Variants in NUP153 observed in about 807,000 individuals in gnomAD.
NUP153 encodes nuclear pore complex protein Nup153.
In NUP153, 27 loss-of-function variants were observed where a neutral mutation model predicts 134.6. That is an observed-to-expected ratio of 0.20 (90% CI 0.15 to 0.28). The LOEUF (loss-of-function observed/expected upper bound fraction) is 0.28, where lower values mean the gene tolerates loss of function less well. Ranked by LOEUF, NUP153 falls within the 10% of genes least tolerant of loss-of-function variation. The pLI, the probability that NUP153 is intolerant of heterozygous loss-of-function variation, is 1.00. For missense variants in NUP153, 1,821 were observed against 1,731.3 expected, an observed-to-expected ratio of 1.05 and a Z score of -0.92; for synonymous variants, 640 against 623.5, an observed-to-expected ratio of 1.03 and a Z score of -0.40.
chr6:17,668,868 A>C (rs1767717064), intron 8 of NUP153, 107 bp downstream of exon 8: 1 of 759,806 alleles, frequency 1.3e-6, no homozygotes, highest in Non-Finnish European at 2.2e-6. Flanking sequence ...ATTATTTTTC[A>C]AACATGTTCC....
Position 17,616,007 on chromosome 6 carries a change from C to G in NUP153, c.*90G>C. 1.1e-6 allele frequency: 1 copy of G among 935,634 alleles called. No homozygotes were observed. The highest frequency in any genetic ancestry group is 1.7e-6 in the Non-Finnish European group (1 of 596,960). 58.0% of individuals were successfully genotyped at this position (935,634 alleles called of 1,614,324 possible). ...TAAAGAAGTCCTTAGGCAGATCTGA[C>G]TTCAGATAACCCCAGCACAAAGTAC... On this transcript the variant is annotated 3_prime_UTR_variant, in exon 22 of 22. Transcript: ENST00000262077.
At chr6:17,626,985 GAC>G (rs1331859931) in intron 18 of NUP153, among the ~76,000 whole-genome samples, 2 of 152,230 alleles carry the variant, frequency 1.3e-5, no homozygotes, top group Non-Finnish European at 2.9e-5. Context: ...AAACAAATGA[GAC>G]ATGCTGATTT....
At position 17,674,983 on chromosome 6, in the gene NUP153, A is replaced by G. The variant is rs546945629; in HGVS notation, c.774T>C (p.Pro258=). 50 of 1,613,748 alleles carry G rather than the reference A, an allele frequency of 3.1e-5. No individual in the cohort carries two copies. The South Asian group carries it at 4.7e-4, about 15-fold the overall frequency. Residue 258 remains proline, a synonymous_variant, in exon 5 of 22, where the codon CCT becomes CCC. Coordinates refer to ENST00000262077, the MANE Select transcript of NUP153 (RefSeq NM_005124.4). ...CGTATGTTGTTTTTCCAGGATAAAAAGGAGAATCTCCAAGCTGACTGGTTT... is the reference window on the plus strand; with the variant it reads ...CGTATGTTGTTTTTCCAGGATAAAAGGGAGAATCTCCAAGCTGACTGGTTT... ...ILKTSQLGDS[P]FYPGKTTYGG...
chr6:17,648,485 T>C (rs1766333625), intron 12 of NUP153, among the ~76,000 whole-genome samples: 1 of 152,030 alleles, frequency 6.6e-6, no homozygotes, highest in South Asian at 2.1e-4. Context: ...GGCATGGTGG[T>C]GCGCACCTGT....
In NUP153 at chr6:17,675,283, G is replaced by T. The variant is rs1768148931; in HGVS notation, c.669C>A (p.Ala223=). The change falls in exon 4 of 22, where the codon GCC becomes GCA. Residue 223 remains alanine, a synonymous_variant. Coordinates refer to ENST00000262077, the MANE Select transcript of NUP153 (RefSeq NM_005124.4). The surrounding 1 kb of genome is among the most constrained non-coding windows in gnomAD (Gnocchi z 4.4). Reference sequence around the variant, plus strand: ...TGAATGCTGGTTTTTTTGAGCTGGTGGCAGTGTGCTGTGAGAGTGAGTGAG... The same window carrying T: ...TGAATGCTGGTTTTTTTGAGCTGGTTGCAGTGTGCTGTGAGAGTGAGTGAG... ...ERSHSLSQHT[A]TSSKKPAFNL... 6.2e-7 allele frequency: 1 copy of T among 1,614,040 alleles called. No homozygotes were observed. The highest frequency in any genetic ancestry group is 1.7e-5 in the Admixed American group (1 of 60,006).
intron 13 of NUP153, among the ~76,000 whole-genome samples, chr6:17,646,679 T>C (rs1026564730): frequency 2.6e-5 from 4 of 152,146 alleles, no homozygotes; most frequent in Admixed American, 6.5e-5. Context: ...CAAAACAGTA[T>C]ATAAAATAAT....
chr6:17,682,077 G>A (rs1221104043), intron 2 of NUP153, among the ~76,000 whole-genome samples: 1 of 152,146 alleles, frequency 6.6e-6, no homozygotes, highest in Non-Finnish European at 1.5e-5. Flanking sequence ...AGGCATGGCA[G>A]CACGCTCTTG....
At chr6:17,696,671 C>T (rs907382135) in intron 1 of NUP153, among the ~76,000 whole-genome samples, 2 of 152,070 alleles carry the variant, frequency 1.3e-5, no homozygotes, top group African/African-American at 2.4e-5. Flanking sequence ...AGGAGAATGG[C>T]GTGAACCCGG....
intron 1 of NUP153, among the ~76,000 whole-genome samples, chr6:17,693,339 A>G (rs1769398717): frequency 6.6e-6 from 1 of 151,994 alleles, no homozygotes; most frequent in African/African-American, 2.4e-5. Context: ...GCCCCATGAG[A>G]GATATTAAAC....
rs114476312 is a variant in NUP153, at chr6:17,643,487, C to T, written c.1720+2580G>A. The stretch of plus-strand genomic sequence containing the variant: ...CAACACCCACCCCCAACCATCCCCA[C>T]CAAAAATAACCACCACTCGTACAAC... On this transcript the variant is annotated intron_variant, in intron 14 of 21. Transcript: ENST00000262077. 8.9e-3 allele frequency among the ~76,000 whole-genome samples: 1,348 copies of T among 152,198 alleles called. 10 individuals are homozygous for T. Among genetic ancestry groups the T allele is most frequent in the Non-Finnish European group, 0.014 (935 of 68,000 alleles).
chr6:17,694,651 C>T (rs180861906), intron 1 of NUP153, among the ~76,000 whole-genome samples: 193 of 148,672 alleles, frequency 1.3e-3, no homozygotes, highest in Admixed American at 2.6e-3. Context: ...AGCAAGACTC[C>T]GTCTCACAAA....
chr6:17,653,583 G>A (rs4716170), intron 11 of NUP153, among the ~76,000 whole-genome samples: 149,676 of 152,324 alleles, frequency 0.98, 73,575 homozygotes, highest in Middle Eastern at 1. Flanking sequence ...ATTTATTTAC[G>A]AAAAGACCTG....
At chr6:17,663,584 A>G (rs569200139) in intron 9 of NUP153, among the ~76,000 whole-genome samples, 129 of 152,284 alleles carry the variant, frequency 8.5e-4, no homozygotes, top group African/African-American at 2.7e-3. Context: ...ATATTTTTCA[A>G]AATTTTAATG....
chr6:17,686,346 T>C (rs566466523), intron 2 of NUP153, among the ~76,000 whole-genome samples: 64 of 152,158 alleles, frequency 4.2e-4, no homozygotes, highest in African/African-American at 1.5e-3. Flanking sequence ...ACTGACTTTA[T>C]GTAGGGCTAG....
Position 17,688,439 on chromosome 6 carries a change from A to C in NUP153, c.291T>G (p.Thr97=). The change falls in exon 2 of 22, where the codon ACT becomes ACG. Residue 97 remains threonine, a synonymous_variant. Coordinates refer to ENST00000262077, the MANE Select transcript of NUP153 (RefSeq NM_005124.4). ...CTGGCTCAGGTGTGATTCTCCCATC[A>C]GTAATATTAGAGCTCTCCTCATCGG... The part of the protein sequence containing the change: ...VYADEESSNI[T]DGRITPEPAV... 2.5e-6 allele frequency: 4 copies of C among 1,614,098 alleles called. No homozygotes were observed. Among genetic ancestry groups the C allele is most frequent in the Non-Finnish European group, 2.5e-6 (3 of 1,179,992 alleles).
intron 18 of NUP153, 149 bp from the exon 19 acceptor site, chr6:17,626,313 T>G (rs947583050): frequency 4.8e-6 from 3 of 620,500 alleles, no homozygotes; most frequent in Non-Finnish European, 8.6e-6. Context: ...CAAATGGACA[T>G]CTGTTTATAT....
At chr6:17,631,373 A>C (rs925688820) in intron 17 of NUP153, among the ~76,000 whole-genome samples, 1 of 152,176 alleles carries the variant, frequency 6.6e-6, no homozygotes, top group African/African-American at 2.4e-5. Context: ...AATTTGTATA[A>C]ATTTAAGGAT....
rs999516069 is a variant in NUP153 at position 17,706,524 on chromosome 6, G to C, written c.-137C>G. On this transcript the variant is annotated 5_prime_UTR_variant, in exon 1 of 22. Coordinates refer to ENST00000262077, the MANE Select transcript of NUP153 (RefSeq NM_005124.4). The surrounding 1 kb of genome is among the most constrained non-coding windows in gnomAD (Gnocchi z 5.9). ...CGCGCTGTCCACACAGTGGGCACAAGCACCCCAGGAACCGCGAGGTTGCGA... is the reference window on the plus strand; with the variant it reads ...CGCGCTGTCCACACAGTGGGCACAACCACCCCAGGAACCGCGAGGTTGCGA... 4 of 634,112 alleles carry C rather than the reference G, an allele frequency of 6.3e-6. No homozygotes were observed. Among genetic ancestry groups the C allele is most frequent in the Non-Finnish European group, 8.1e-6 (3 of 370,936 alleles). The allele number at this position is 634,112 out of a possible 1,614,324, so 39.3% of individuals were successfully genotyped here. A position where few individuals can be genotyped will look rare whatever the true frequency, so the allele number is the denominator to read the frequency against.
rs765665687 is a variant in NUP153, at chr6:17,665,228, C to A, written c.1215+11G>T. On this transcript the variant is annotated intron_variant, in intron 9 of 21. Coordinates refer to ENST00000262077, the MANE Select transcript of NUP153 (RefSeq NM_005124.4). ...ATATTCAAAGACTGGTAGAAATATA[C>A]ATATACTCACACTGCACTTGTTATC... The A allele has an allele frequency of 4.4e-6, 7 of 1,581,588 alleles. No homozygotes were observed. In the South Asian group the frequency reaches 7.8e-5, roughly 18 times the overall value.
Sources: allele counts gnomAD v4.1 joint callset (sites outside exome capture counted in the v4.1 genomes callset), GRCh38; gene constraint gnomAD v4.1.1; non-coding constraint Gnocchi (gnomAD v3.1); transcripts MANE v1.5; gene names NCBI Gene and HGNC (gene_info 2026-07-23, HGNC 2026-07-21).